BICRA: variants seen among roughly 807,000 people sequenced by gnomAD.
BICRA encodes the protein BRD4-interacting chromatin-remodeling complex-associated protein.
BICRA carries 31 observed loss-of-function variants against 96.9 expected under a neutral mutation model. The ratio of observed to expected loss-of-function variants is 0.32; its 90% CI spans 0.24 to 0.43. The LOEUF is 0.43. Among genes scored for constraint, BICRA ranks in the 20% least tolerant of loss-of-function variants. BICRA has a pLI of 1.00. For missense variants in BICRA, 2,283 were observed against 2,190.3 expected (o/e 1.04, Z -0.84); for synonymous variants, 1,350 against 1,071.8 (o/e 1.26, Z -5.07).
intron 1 of BICRA, among the ~76,000 whole-genome samples, chr19:47,653,058 C>T (rs1972564094): frequency 1.4e-5 from 2 of 147,614 alleles, no homozygotes; most frequent in African/African-American, 5.0e-5. Flanking sequence ...GGTCTCGCGC[C>T]GTCCGCCAGG....
At chr19:47,633,235 A>G (rs1972248408) in intron 1 of BICRA, among the ~76,000 whole-genome samples, 1 of 151,756 alleles carries the variant, frequency 6.6e-6, no homozygotes. Context: ...GCCCGCCACC[A>G]CGCCCGACTA....
chr19:47,640,349 T>A (rs1046709230), intron 1 of BICRA, among the ~76,000 whole-genome samples: 4 of 151,974 alleles, frequency 2.6e-5, no homozygotes, highest in Admixed American at 2.6e-4. Flanking sequence ...CTGGCCAATG[T>A]GGCAAAAATC....
chr19:47,634,451 C>T (rs977555713), intron 1 of BICRA, among the ~76,000 whole-genome samples: 1 of 152,128 alleles, frequency 6.6e-6, no homozygotes, highest in African/African-American at 2.4e-5. Context: ...AGAAAGAGTG[C>T]GCCAGAAGGG....
At chr19:47,686,792 A>G (rs113342660) in intron 7 of BICRA, among the ~76,000 whole-genome samples, 27 of 152,206 alleles carry the variant, frequency 1.8e-4, no homozygotes, top group African/African-American at 6.0e-4. Flanking sequence ...TTTTTTTGCA[A>G]GCTACCATCT....
rs111747878 is a variant in BICRA, at chr19:47,692,137, G to A, written c.2284-1978G>A. Among the ~76,000 whole-genome samples the A allele has an allele frequency of 6.6e-5, 10 of 152,184 alleles. 1 individual carries two copies. The highest frequency in any genetic ancestry group is 2.2e-4 in the African/African-American group (9 of 41,546). ...CCAGTTCTCTTTTCTCCGACTCAGC[G>A]ACGCACCTGCCATTGGCCATTTGAG... is the stretch of plus-strand genomic sequence containing the variant. On this transcript the variant is annotated intron_variant, in intron 7 of 14. Coordinates refer to ENST00000594866, the MANE Select transcript of BICRA (RefSeq NM_001394372.1).
rs748960341 is a variant in BICRA, at chr19:47,701,356, C to T, written c.3624C>T (p.Leu1208=). The change falls in exon 15 of 15, where the codon CTC becomes CTT. Residue 1208 remains leucine (L), a synonymous_variant. Coordinates refer to ENST00000594866, the MANE Select transcript of BICRA (RefSeq NM_001394372.1). This position sits in a 1 kb window ranked among gnomAD's most constrained non-coding sequence, Gnocchi z 5.4. The part of the protein sequence containing the change: ...PDEYVSSSRS[L]GLPIAASSEG... ...AGTACGTGTCTTCCTCCCGCTCGCT[C>T]GGCCTCCCCATCGCAGCCTCTTCCG... The T allele has an allele frequency of 3.7e-6, 6 of 1,611,352 alleles. No individual in the cohort carries two copies. The African/African-American group carries it at 5.3e-5, about 14-fold the overall frequency.
At chr19:47,613,527 TTAG>T (rs1167678669) in intron 1 of BICRA, among the ~76,000 whole-genome samples, 1 of 152,096 alleles carries the variant, frequency 6.6e-6, no homozygotes, top group African/African-American at 2.4e-5. Flanking sequence ...GCACCCTCAC[TTAG>T]TAGAAACAAG....
chr19:47,691,445 T>C (rs1714340949), intron 7 of BICRA, among the ~76,000 whole-genome samples: 1 of 152,236 alleles, frequency 6.6e-6, no homozygotes, highest in Non-Finnish European at 1.5e-5. Context: ...TGTCAGCCTT[T>C]TGCTACATCT....
At chr19:47,637,464 G>C (rs1972316808) in intron 1 of BICRA, among the ~76,000 whole-genome samples, 1 of 152,168 alleles carries the variant, frequency 6.6e-6, no homozygotes, top group Non-Finnish European at 1.5e-5. Flanking sequence ...GCTCAGGCTG[G>C]AGTGCATTGG....
At chr19:47,636,328 T>C (rs1972300100) in intron 1 of BICRA, among the ~76,000 whole-genome samples, 1 of 152,152 alleles carries the variant, frequency 6.6e-6, no homozygotes, top group Admixed American at 6.6e-5. Flanking sequence ...CTCCTCAGCC[T>C]CCTGAGGATC....
Position 47,699,268 on chromosome 19 carries a change from G to T in BICRA, c.3493-35G>T. The T allele has an allele frequency of 7.9e-7, 1 of 1,259,064 alleles. No homozygotes were observed. The highest frequency in any genetic ancestry group is 1.1e-6 in the Non-Finnish European group (1 of 879,682). 78.0% of individuals were successfully genotyped at this position (1,259,064 alleles called of 1,614,324 possible). A position where few individuals can be genotyped will look rare whatever the true frequency, so the allele number is the denominator to read the frequency against. ...CTCGCGCCCCTTCCCCCTTCTTGCTGGTTCACTCGCACGTCGTCTTTTCCC... is the reference window on the plus strand; with the variant it reads ...CTCGCGCCCCTTCCCCCTTCTTGCTTGTTCACTCGCACGTCGTCTTTTCCC... On this transcript the variant is annotated intron_variant, in intron 13 of 14. Coordinates refer to ENST00000594866, the MANE Select transcript of BICRA (RefSeq NM_001394372.1). This position sits in a 1 kb window ranked among gnomAD's most constrained non-coding sequence, Gnocchi z 5.0.
At chr19:47,656,069 G>GACACACAC (rs60179476) in intron 1 of BICRA, among the ~76,000 whole-genome samples, 4,169 of 132,152 alleles carry the variant, frequency 0.032, 100 homozygotes, top group East Asian at 0.078. Flanking sequence ...ATCCTGTCTC[G>GACACACAC]ACACACACAC....
chr19:47,671,302 T>C (rs1972858410), intron 2 of BICRA, among the ~76,000 whole-genome samples: 1 of 152,078 alleles, frequency 6.6e-6, no homozygotes, highest in Non-Finnish European at 1.5e-5. Context: ...GGTGAGGGGC[T>C]GTGAACCAGC....
intron 1 of BICRA, among the ~76,000 whole-genome samples, chr19:47,642,873 C>T (rs1021250977): frequency 6.6e-6 from 1 of 152,196 alleles, no homozygotes; most frequent in Non-Finnish European, 1.5e-5. Flanking sequence ...GTAGTAATAT[C>T]TCATTATGGT....
At chr19:47,658,162 G>T (rs1972649150) in intron 1 of BICRA, among the ~76,000 whole-genome samples, 1 of 152,182 alleles carries the variant, frequency 6.6e-6, no homozygotes, top group African/African-American at 2.4e-5. Flanking sequence ...GTCTGAGGAA[G>T]AAAGTTTCTG....
chr19:47,670,194 T>TA (rs1359127875), intron 1 of BICRA, among the ~76,000 whole-genome samples: 1 of 151,976 alleles, frequency 6.6e-6, no homozygotes, highest in Non-Finnish European at 1.5e-5. Flanking sequence ...GCTCCAGTGA[T>TA]ACTCCTGCCT....
intron 1 of BICRA, among the ~76,000 whole-genome samples, chr19:47,620,077 G>A (rs1312138859): frequency 1.3e-5 from 2 of 152,126 alleles, no homozygotes; most frequent in Non-Finnish European, 2.9e-5. Flanking sequence ...GAGCATCTTC[G>A]GCTCAGCATG....
rs747314687 is a variant in BICRA, at chr19:47,664,143, G to A, written c.-107-6300G>A. Reference sequence around the variant, plus strand: ...TCATTTGCACTTCTTATCAGCAAATGATATCGTTCTGGAGACTTTGTATTA... The same window carrying A: ...TCATTTGCACTTCTTATCAGCAAATAATATCGTTCTGGAGACTTTGTATTA... On this transcript the variant is annotated intron_variant, in intron 1 of 14. Transcript: ENST00000594866. Among the ~76,000 whole-genome samples, 23 of 152,198 alleles carry A rather than the reference G, an allele frequency of 1.5e-4. 1 individual carries two copies. Among genetic ancestry groups the A allele is most frequent in the Non-Finnish European group, 3.1e-4 (21 of 68,040 alleles).
At chr19:47,616,613 A>G (rs1001094048) in intron 1 of BICRA, among the ~76,000 whole-genome samples, 1 of 151,270 alleles carries the variant, frequency 6.6e-6, no homozygotes, top group Non-Finnish European at 1.5e-5. Context: ...CACTCCAGCC[A>G]GGGCGACAGA....
Sources: allele counts gnomAD v4.1 joint callset (sites outside exome capture counted in the v4.1 genomes callset), GRCh38; gene constraint gnomAD v4.1.1; non-coding constraint Gnocchi (gnomAD v3.1); transcripts MANE v1.5; gene names NCBI Gene and HGNC (gene_info 2026-07-23, HGNC 2026-07-21).